TMEM178B: variants seen among roughly 807,000 people sequenced by gnomAD.
TMEM178B encodes transmembrane protein 178B.
A neutral mutation model predicts 31.0 loss-of-function variants in TMEM178B; 5 were observed. The observed-to-expected ratio is 0.16, with a 90% CI of 0.08 to 0.34. The LOEUF (loss-of-function observed/expected upper bound fraction) is 0.34. Among genes scored for constraint, TMEM178B ranks in the 10% least tolerant of loss-of-function variants. The probability of loss-of-function intolerance (pLI) is 1.00; values close to 1 mark genes in which losing one functional copy is unlikely to be tolerated. For missense variants in TMEM178B, 275 were observed against 400.3 expected (o/e 0.69, Z 2.67); for synonymous variants, 164 against 164.0 (o/e 1.00, Z 0.00).
intron 2 of TMEM178B, among the ~76,000 whole-genome samples, chr7:141,358,112 C>T (rs1799852901): frequency 6.6e-6 from 1 of 152,160 alleles, no homozygotes; most frequent in African/African-American, 2.4e-5. Context: ...GTAGGCCTTT[C>T]TGCCTTATTT....
intron 1 of TMEM178B, among the ~76,000 whole-genome samples, chr7:141,164,372 T>C (rs867256769): frequency 3.9e-5 from 6 of 152,186 alleles, no homozygotes; most frequent in Non-Finnish European, 7.3e-5. Context: ...CCCTGACTTT[T>C]ATGGGTGCAA....
intron 3 of TMEM178B, among the ~76,000 whole-genome samples, chr7:141,453,992 T>C (rs1186980186): frequency 6.6e-6 from 1 of 151,780 alleles, no homozygotes; most frequent in Non-Finnish European, 1.5e-5. Context: ...ACCCTCCAAT[T>C]TGGGCCCTGG....
At position 141,318,830 on chromosome 7, in the gene TMEM178B, G is replaced by A. The variant is rs1236920953; in HGVS notation, c.496+106126G>A. ...ACTTTTGGAAAAGAGCTAAATGAAT[G>A]TGTGTTTCCCATGTTGTCTCAATTC... is the stretch of plus-strand genomic sequence containing the variant. On this transcript the variant is annotated intron_variant, in intron 2 of 3. Coordinates refer to ENST00000565468, the MANE Select transcript of TMEM178B (RefSeq NM_001195278.2). This position sits in a 1 kb window ranked among gnomAD's most constrained non-coding sequence, Gnocchi z 4.1. Among the ~76,000 whole-genome samples the A allele has an allele frequency of 2.0e-5, 3 of 152,162 alleles. No individual in the cohort carries two copies. The highest frequency in any genetic ancestry group is 4.4e-5 in the Non-Finnish European group (3 of 68,030).
intron 1 of TMEM178B, among the ~76,000 whole-genome samples, chr7:141,199,428 G>C (rs1450592181): frequency 2.0e-5 from 3 of 152,228 alleles, no homozygotes; most frequent in Non-Finnish European, 2.9e-5. Context: ...TGATAAGGCA[G>C]AGGAATGGAA....
chr7:141,256,410 C>G (rs1459124243), intron 2 of TMEM178B, among the ~76,000 whole-genome samples: 1 of 152,054 alleles, frequency 6.6e-6, no homozygotes, highest in African/African-American at 2.4e-5. Flanking sequence ...CAGGTGGTGC[C>G]AAGAGCAAGT....
At chr7:141,441,284 C>A (rs1303318016) in intron 3 of TMEM178B, among the ~76,000 whole-genome samples, 2 of 152,216 alleles carry the variant, frequency 1.3e-5, no homozygotes, top group Non-Finnish European at 1.5e-5. Context: ...TCAGCACCAC[C>A]CCTCTCAGAA....
At chr7:141,377,010 C>T (rs905591999) in intron 2 of TMEM178B, among the ~76,000 whole-genome samples, 6 of 151,918 alleles carry the variant, frequency 3.9e-5, no homozygotes, top group African/African-American at 1.5e-4. Flanking sequence ...TATATGTACA[C>T]ATATATTAGG....
At chr7:141,131,367 G>T (rs905392514) in intron 1 of TMEM178B, among the ~76,000 whole-genome samples, 3 of 151,990 alleles carry the variant, frequency 2.0e-5, no homozygotes, top group African/African-American at 4.8e-5. Flanking sequence ...AAAATGTCCA[G>T]ATCTGAAGTG....
At chr7:141,234,405 A>G (rs1442462438) in intron 2 of TMEM178B, among the ~76,000 whole-genome samples, 1 of 152,182 alleles carries the variant, frequency 6.6e-6, no homozygotes, top group Non-Finnish European at 1.5e-5. Flanking sequence ...TTGATGTAGC[A>G]GCTTGATCAA....
At position 141,181,192 on chromosome 7, in the gene TMEM178B, G is replaced by A. The variant is rs114701893; in HGVS notation, c.383-31399G>A. Among the ~76,000 whole-genome samples the A allele has an allele frequency of 6.0e-3, 908 of 152,376 alleles. 15 individuals are homozygous for A. The highest frequency in any genetic ancestry group is 0.021 in the African/African-American group (860 of 41,590). On this transcript the variant is annotated intron_variant, in intron 1 of 3. Transcript: ENST00000565468. ...AGCCAGAGACTAGGAACAAATGCAAGTGTGTGTCATTACAATGATGTGTTC... is the reference window on the plus strand; with the variant it reads ...AGCCAGAGACTAGGAACAAATGCAAATGTGTGTCATTACAATGATGTGTTC...
rs187046087 is a variant in TMEM178B at position 141,362,502 on chromosome 7, C to T, written c.497-75106C>T. ...CCTAAGCAAGAAAGCATAACACATG[C>T]ACTTTTTTTTTTAAAAAAAAGACCT... On this transcript the variant is annotated intron_variant, in intron 2 of 3. Transcript: ENST00000565468. 9.6e-3 allele frequency among the ~76,000 whole-genome samples: 1,457 copies of T among 151,190 alleles called. 56 individuals are homozygous for T. In the East Asian group the frequency reaches 0.11, roughly 11 times the overall value.
At position 141,477,684 on chromosome 7, in the gene TMEM178B, GCT is replaced by G. The variant is rs1448673564; in HGVS notation, c.*6899_*6900del. 6.6e-6 allele frequency: 1 copy of G among 152,188 alleles called. No individual in the cohort carries two copies. Among genetic ancestry groups the G allele is most frequent in the African/African-American group, 2.4e-5 (1 of 41,424 alleles). The allele number at this position is 152,188 out of a possible 1,614,324, so 9.4% of individuals were successfully genotyped here. On this transcript the variant is annotated 3_prime_UTR_variant, in exon 4 of 4. Coordinates refer to ENST00000565468, the MANE Select transcript of TMEM178B (RefSeq NM_001195278.2). ...CTTCTCAGCCAAATGGGGATCAGGG[GCT>G]TCCAGGGCTCTGGGGGTGCGCAGTC...
chr7:141,226,602 C>T (rs1797345449), intron 2 of TMEM178B, among the ~76,000 whole-genome samples: 1 of 152,112 alleles, frequency 6.6e-6, no homozygotes, highest in East Asian at 1.9e-4. Flanking sequence ...CCTGTAATCC[C>T]AGCATTTAGG....
At chr7:141,370,886 C>T (rs1800103644) in intron 2 of TMEM178B, among the ~76,000 whole-genome samples, 3 of 152,178 alleles carry the variant, frequency 2.0e-5, no homozygotes. Flanking sequence ...GCTCAGAAGC[C>T]CGATGTTGTC....
At chr7:141,112,103 G>T (rs1271891391) in intron 1 of TMEM178B, among the ~76,000 whole-genome samples, 2 of 152,002 alleles carry the variant, frequency 1.3e-5, no homozygotes, top group African/African-American at 4.8e-5. Context: ...TAGCCTGTTC[G>T]CTGGTAGTCA....
chr7:141,115,201 C>T (rs1311930256), intron 1 of TMEM178B, among the ~76,000 whole-genome samples: 1 of 152,136 alleles, frequency 6.6e-6, no homozygotes, highest in Non-Finnish European at 1.5e-5. Context: ...TGCTACCATG[C>T]CCAGCTAATC....
chr7:141,431,490 AC>A (rs1375952346), intron 2 of TMEM178B, among the ~76,000 whole-genome samples: 25 of 151,896 alleles, frequency 1.6e-4, no homozygotes, highest in African/African-American at 6.1e-4. Flanking sequence ...CCTTTCCACC[AC>A]CCTGAACTCA....
chr7:141,134,139 G>A (rs1251927450), intron 1 of TMEM178B, among the ~76,000 whole-genome samples: 1 of 152,104 alleles, frequency 6.6e-6, no homozygotes, highest in Admixed American at 6.6e-5. Context: ...GGAGGCTGAG[G>A]TAGGAGGATC....
At chr7:141,279,121 T>C (rs906726260) in intron 2 of TMEM178B, among the ~76,000 whole-genome samples, 8 of 152,124 alleles carry the variant, frequency 5.3e-5, no homozygotes, top group African/African-American at 1.9e-4. Flanking sequence ...GTCCTTGTCT[T>C]GGATTAGTTG....
Sources: allele counts gnomAD v4.1 joint callset (sites outside exome capture counted in the v4.1 genomes callset), GRCh38; gene constraint gnomAD v4.1.1; non-coding constraint Gnocchi (gnomAD v3.1); transcripts MANE v1.5; gene names NCBI Gene and HGNC (gene_info 2026-07-23, HGNC 2026-07-21).